Variants in MAT2B observed in about 807,000 individuals in gnomAD.
The protein encoded by MAT2B is methionine adenosyltransferase 2 non-catalytic beta subunit.
In MAT2B, 16 loss-of-function variants were observed where a neutral mutation model predicts 36.1. The ratio of observed to expected loss-of-function variants is 0.44; its 90% CI spans 0.30 to 0.67. The LOEUF (loss-of-function observed/expected upper bound fraction) is 0.67, where lower values mean the gene tolerates loss of function less well. Ranked by LOEUF, MAT2B falls within the 30% of genes least tolerant of loss-of-function variation. The probability of loss-of-function intolerance (pLI) is 0.09; values close to 1 mark genes in which losing one functional copy is unlikely to be tolerated. For missense variants in MAT2B, 332 were observed against 398.2 expected (o/e 0.83, Z 1.42); for synonymous variants, 148 against 136.9 (o/e 1.08, Z -0.57).
upstream of MAT2B, chr5:163,503,566 C>T (rs1561654151): frequency 6.1e-6 from 5 of 815,484 alleles, no homozygotes; most frequent in African/African-American, 3.4e-5. Flanking sequence ...AACATAACCT[C>T]GGGACATGGA....
chr5:163,503,293 G>A (rs186816331), upstream of MAT2B: 6 of 1,010,308 alleles, frequency 5.9e-6, no homozygotes, highest in Admixed American at 4.0e-5. Flanking sequence ...ACGTTTTGGC[G>A]TGCCTGCGCT....
At chr5:163,517,430 G>GGAC (rs10669099) in intron 5 of MAT2B, 131 bp from the exon 6 acceptor site, 81,756 of 521,320 alleles carry the variant, frequency 0.16, 7,753 homozygotes, top group African/African-American at 0.3. Context: ...GATATCTTGT[G>GGAC]GAGACCTTTC....
chr5:163,514,086 C>A, intron 4 of MAT2B, 92 bp downstream of exon 4: 1 of 1,018,546 alleles, frequency 9.8e-7, no homozygotes, highest in Non-Finnish European at 1.3e-6. Context: ...TTTAAAAAGT[C>A]AATGAATATG....
upstream of MAT2B, among the ~76,000 whole-genome samples, chr5:163,504,117 A>G (rs939244312): frequency 6.6e-6 from 1 of 152,206 alleles, no homozygotes; most frequent in African/African-American, 2.4e-5. Context: ...TTTCTCCCAT[A>G]GAAAGGTAAG....
intron 1 of MAT2B, among the ~76,000 whole-genome samples, chr5:163,511,439 CTTTTTTTTTT>C (rs60009583): frequency 1.0e-4 from 7 of 69,548 alleles, no homozygotes; most frequent in African/African-American, 2.3e-4. Context: ...CTAATTTTTG[CTTTTTTTTTT>C]TTTTTTTTTT....
intron 2 of MAT2B, 86 bp from the exon 3 acceptor site, chr5:163,513,469 A>AT (rs1760081742): frequency 1.4e-6 from 1 of 724,710 alleles, no homozygotes. Flanking sequence ...CTTACTGCAC[A>AT]TTTTTCTCTG....
chr5:163,518,185 C>G lies in MAT2B; in HGVS notation c.835-8C>G, dbSNP rs771770350. 4 of 1,577,922 alleles carry G rather than the reference C, an allele frequency of 2.5e-6. No individual in the cohort carries two copies. In the South Asian group the frequency reaches 4.7e-5, roughly 19 times the overall value. Reference sequence around the variant, plus strand: ...TTTTGATTTTTTTGTGTTTATCTTTCTTTAAAGATTACTGACAGCCCTGTC... The same window carrying G: ...TTTTGATTTTTTTGTGTTTATCTTTGTTTAAAGATTACTGACAGCCCTGTC... On this transcript the variant is annotated splice_region_variant and splice_polypyrimidine_tract_variant and intron_variant, in intron 6 of 6. Coordinates refer to ENST00000321757, the MANE Select transcript of MAT2B (RefSeq NM_013283.5).
At chr5:163,505,014 C>A (rs1759904083), upstream of MAT2B, among the ~76,000 whole-genome samples, 2 of 151,248 alleles carry the variant, frequency 1.3e-5, no homozygotes, top group African/African-American at 4.9e-5. Context: ...CATCTTCCTT[C>A]CCCCTACAAC....
At chr5:163,511,875 T>A in intron 1 of MAT2B, 127 bp from the exon 2 acceptor site, 1 of 707,022 alleles carries the variant, frequency 1.4e-6, no homozygotes, top group Non-Finnish European at 2.4e-6. Flanking sequence ...AGAATTGGCT[T>A]GCAGATATGG....
Position 163,513,958 on chromosome 5 carries a change from T to C in MAT2B, c.490T>C (p.Leu164=), listed in dbSNP as rs1165176012. The stretch of plus-strand genomic sequence containing the variant: ...CCTAAATTTGTATGGCAAAACAAAA[T>C]TAGATGGAGAAAAGGCTGTCCTGGA... The part of the protein sequence containing the change: ...APLNLYGKTK[L]DGEKAVLENN... Residue 164 remains leucine, a synonymous_variant, in exon 4 of 7, where the codon TTA becomes CTA. Coordinates refer to ENST00000321757, the MANE Select transcript of MAT2B (RefSeq NM_013283.5). 1 of 1,613,494 alleles carries C rather than the reference T, an allele frequency of 6.2e-7. No individual in the cohort carries two copies. The highest frequency in any genetic ancestry group is 1.1e-5 in the South Asian group (1 of 91,032).
chr5:163,516,564 G>A lies in MAT2B; in HGVS notation c.573G>A (p.Lys191=). Residue 191 remains lysine (K), a synonymous_variant, in exon 5 of 7, where the codon AAG becomes AAA. Transcript: ENST00000321757. ...CTATTCTGTATGGGGAAGTTGAAAA[G>A]CTCGAAGAAAGTGCTGTGACTGTTA... ...RIPILYGEVE[K]LEESAVTVMF... 1.9e-6 allele frequency: 3 copies of A among 1,614,170 alleles called. No homozygotes were observed. Among genetic ancestry groups the A allele is most frequent in the Non-Finnish European group, 2.5e-6 (3 of 1,180,030 alleles).
chr5:163,508,153 T>C (rs1228405057), intron 1 of MAT2B, among the ~76,000 whole-genome samples: 1 of 152,220 alleles, frequency 6.6e-6, no homozygotes, highest in Non-Finnish European at 1.5e-5. Context: ...TGGTTCCAGC[T>C]TTTTCTCTTT....
upstream of MAT2B, chr5:163,505,612 C>G (rs1030702943): frequency 1.6e-6 from 2 of 1,249,346 alleles, no homozygotes; most frequent in African/African-American, 3.1e-5. Flanking sequence ...CCGAGGGCGT[C>G]TGAGCTGAGG....
Position 163,518,446 on chromosome 5 carries a change from G to T in MAT2B, c.*83G>T. The T allele has an allele frequency of 2.6e-6, 3 of 1,137,368 alleles. No homozygotes were observed. Among genetic ancestry groups the T allele is most frequent in the Non-Finnish European group, 3.7e-6 (3 of 808,404 alleles). 70.5% of individuals were successfully genotyped at this position (1,137,368 alleles called of 1,614,324 possible). ...TTTAAAGAACAAAGGAAATAGTTTTGTATGAGTACTTTAATTGTGACTCTT... is the reference window on the plus strand; with the variant it reads ...TTTAAAGAACAAAGGAAATAGTTTTTTATGAGTACTTTAATTGTGACTCTT... On this transcript the variant is annotated 3_prime_UTR_variant, in exon 7 of 7. Transcript: ENST00000321757.
chr5:163,512,713 G>C (rs1258916971), intron 2 of MAT2B: 6 of 453,102 alleles, frequency 1.3e-5, no homozygotes, highest in Non-Finnish European at 2.2e-5. Context: ...CGTAATCTTG[G>C]TTTGTTGCCC....
intron 1 of MAT2B, among the ~76,000 whole-genome samples, chr5:163,507,109 A>T (rs1344563511): frequency 6.6e-6 from 1 of 152,208 alleles, no homozygotes; most frequent in African/African-American, 2.4e-5. Context: ...GTTTCTGGGG[A>T]ATTAAAAAAT....
chr5:163,509,731 T>A (rs1008116754), intron 1 of MAT2B, among the ~76,000 whole-genome samples: 2 of 152,246 alleles, frequency 1.3e-5, no homozygotes, highest in African/African-American at 2.4e-5. Context: ...TGTACTAGAC[T>A]TGGCATGTTT....
upstream of MAT2B, chr5:163,503,490 G>A: frequency 3.5e-6 from 5 of 1,427,624 alleles, no homozygotes; most frequent in Non-Finnish European, 4.9e-6. Flanking sequence ...GCATTCCAGT[G>A]AACGCCTGCT....
At chr5:163,511,431 A>G (rs1045236501) in intron 1 of MAT2B, among the ~76,000 whole-genome samples, 26 of 134,246 alleles carry the variant, frequency 1.9e-4, no homozygotes, top group African/African-American at 7.2e-4. Context: ...TAGCTCAGCT[A>G]ATTTTTGCTT....
Sources: gnomAD v4.1 joint callset for allele counts (sites outside exome capture counted in the v4.1 genomes callset) on GRCh38, gnomAD v4.1.1 for gene constraint, MANE v1.5 for transcripts, NCBI Gene and HGNC (gene_info 2026-07-23, HGNC 2026-07-21) for gene names.